PRKG1: variants seen among roughly 807,000 people sequenced by gnomAD.
PRKG1 encodes cGMP-dependent protein kinase 1.
A neutral mutation model predicts 88.1 loss-of-function variants in PRKG1; 35 were observed. That is an observed-to-expected ratio of 0.40 (90% CI 0.30 to 0.53). PRKG1 has a LOEUF of 0.53. Ranked by LOEUF, PRKG1 falls within the 20% of genes least tolerant of loss-of-function variation. PRKG1 has a pLI of 0.59. For missense variants in PRKG1, 540 were observed against 839.8 expected (o/e 0.64, Z 4.41); for synonymous variants, 303 against 292.5 (o/e 1.04, Z -0.37).
In PRKG1 at chr10:51,467,734, G is replaced by A; in HGVS notation, c.490G>A (p.Glu164Lys). The A allele has an allele frequency of 6.2e-7, 1 of 1,611,390 alleles. No homozygotes were observed. The highest frequency in any genetic ancestry group is 8.5e-7 in the Non-Finnish European group (1 of 1,177,860). ...LVYVMEDGKV[E>K]VTKEGVKLCT... ...CTCCTCCTTTTTAGATGGTAAGGTT[G>A]AAGTTACAAAAGAAGGTGTGAAGTT... Residue 164 changes from glutamate to lysine, a missense_variant, in exon 3 of 18, where the codon GAA becomes AAA. Transcript: ENST00000373980.
chr10:51,361,052 G>A lies in PRKG1; in HGVS notation c.479-106671G>A, dbSNP rs143167579. Among the ~76,000 whole-genome samples, 502 of 151,890 alleles carry A rather than the reference G, an allele frequency of 3.3e-3. 5 individuals carry two copies. Among genetic ancestry groups the A allele is most frequent in the African/African-American group, 0.012 (493 of 41,482 alleles). On this transcript the variant is annotated intron_variant, in intron 2 of 17. Transcript: ENST00000373980. Reference sequence around the variant, plus strand: ...TTAAGGGCACTTATCAGTATTCTCAGCTCCAGTAAAAAGGAATAGTCTTTT... The same window carrying A: ...TTAAGGGCACTTATCAGTATTCTCAACTCCAGTAAAAAGGAATAGTCTTTT...
chr10:51,448,976 A>G (rs758040637), intron 2 of PRKG1, among the ~76,000 whole-genome samples: 58 of 152,176 alleles, frequency 3.8e-4, no homozygotes, highest in Non-Finnish European at 5.6e-4. Context: ...AAAACATGCT[A>G]TGTGTCCAAA....
At chr10:51,672,324 T>C (rs1272541687) in intron 3 of PRKG1, among the ~76,000 whole-genome samples, 1 of 152,082 alleles carries the variant, frequency 6.6e-6, no homozygotes, top group Non-Finnish European at 1.5e-5. Context: ...TTCTGGATAA[T>C]TTCTTCACTC....
At chr10:51,600,964 G>A (rs1169420144) in intron 3 of PRKG1, among the ~76,000 whole-genome samples, 2 of 143,098 alleles carry the variant, frequency 1.4e-5, no homozygotes, top group Non-Finnish European at 3.0e-5. Flanking sequence ...GAAGAAGGAG[G>A]AAGAAGGAGA....
At chr10:51,013,255 T>A (rs1458230401) in intron 1 of PRKG1, among the ~76,000 whole-genome samples, 1 of 152,190 alleles carries the variant, frequency 6.6e-6, no homozygotes, top group African/African-American at 2.4e-5. Context: ...ATAGGGAAAG[T>A]GCTTAGAACA....
chr10:52,005,251 C>CTTTTT (rs10595402), intron 5 of PRKG1, among the ~76,000 whole-genome samples: 21 of 117,742 alleles, frequency 1.8e-4, no homozygotes, highest in Admixed American at 3.7e-4. Flanking sequence ...TAATGCCCAT[C>CTTTTT]TTTTTTTTTT....
intron 2 of PRKG1, among the ~76,000 whole-genome samples, chr10:51,391,481 T>C (rs545904977): frequency 1.3e-5 from 2 of 152,350 alleles, no homozygotes; most frequent in Admixed American, 1.3e-4. Context: ...GAGGAAGATT[T>C]ATGGTTCTAT....
At chr10:51,316,482 G>C (rs1282187637) in intron 2 of PRKG1, among the ~76,000 whole-genome samples, 2 of 152,086 alleles carry the variant, frequency 1.3e-5, no homozygotes, top group South Asian at 4.1e-4. Context: ...AGGAGTTCAA[G>C]ACCAGCCTGG....
intron 2 of PRKG1, among the ~76,000 whole-genome samples, chr10:51,394,682 G>T (rs1198360445): frequency 1.3e-5 from 2 of 152,112 alleles, no homozygotes; most frequent in Non-Finnish European, 2.9e-5. Flanking sequence ...ATTCAGTAAG[G>T]ATTTATTTCT....
At chr10:52,072,614 C>A (rs747867429) in intron 7 of PRKG1, among the ~76,000 whole-genome samples, 2 of 152,142 alleles carry the variant, frequency 1.3e-5, no homozygotes, top group Non-Finnish European at 2.9e-5. Flanking sequence ...TATTCTTTTT[C>A]AAGTGAATAT....
chr10:51,939,577 G>A (rs1842862196), intron 5 of PRKG1, among the ~76,000 whole-genome samples: 1 of 147,756 alleles, frequency 6.8e-6, no homozygotes, highest in Non-Finnish European at 1.5e-5. Flanking sequence ...CTTTCTTGAT[G>A]AGTTTATAAA....
intron 17 of PRKG1, among the ~76,000 whole-genome samples, chr10:52,292,035 GT>G (rs1483417975): frequency 6.6e-6 from 1 of 152,108 alleles, no homozygotes. Context: ...TTTTTCATGT[GT>G]TTTTTGGCTG....
intron 2 of PRKG1, among the ~76,000 whole-genome samples, chr10:51,161,181 T>A (rs1260434821): frequency 6.6e-6 from 1 of 152,146 alleles, no homozygotes; most frequent in Non-Finnish European, 1.5e-5. Context: ...TCACAAGTCA[T>A]TTAGTGACAG....
rs569147300 is a variant in PRKG1, at chr10:52,163,016, T to C, written c.1076+1053T>C. On this transcript the variant is annotated intron_variant, in intron 9 of 17. Coordinates refer to ENST00000373980, the MANE Select transcript of PRKG1 (RefSeq NM_006258.4). ...TCTGGTTTATTTCAACAGGCTAAAATGTACATTGATATTCAGTTTAGACTT... is the reference window on the plus strand; with the variant it reads ...TCTGGTTTATTTCAACAGGCTAAAACGTACATTGATATTCAGTTTAGACTT... Among the ~76,000 whole-genome samples, 4 of 152,224 alleles carry C rather than the reference T, an allele frequency of 2.6e-5. No homozygotes were observed. In the South Asian group the frequency reaches 8.3e-4, roughly 32 times the overall value.
chr10:51,136,608 A>G (rs575187505), intron 1 of PRKG1, among the ~76,000 whole-genome samples: 16 of 149,654 alleles, frequency 1.1e-4, no homozygotes, highest in South Asian at 2.2e-4. Flanking sequence ...GGGGAGAGAG[A>G]GAGAAGAGGA....
At chr10:51,710,044 C>G (rs928421882) in intron 3 of PRKG1, among the ~76,000 whole-genome samples, 2 of 152,144 alleles carry the variant, frequency 1.3e-5, no homozygotes, top group African/African-American at 4.8e-5. Flanking sequence ...AAGGTAGGCA[C>G]ACAGTTGAAC....
chr10:51,498,864 C>T (rs1840940463), intron 3 of PRKG1, among the ~76,000 whole-genome samples: 1 of 149,846 alleles, frequency 6.7e-6, no homozygotes, highest in Non-Finnish European at 1.5e-5. Flanking sequence ...TTTTTCCTAA[C>T]CTTCTTTAGC....
At chr10:51,547,412 G>A (rs949055718) in intron 3 of PRKG1, among the ~76,000 whole-genome samples, 8 of 151,996 alleles carry the variant, frequency 5.3e-5, no homozygotes, top group African/African-American at 9.7e-5. Flanking sequence ...GTGGTTGAAC[G>A]TCAGCAAATT....
chr10:51,704,137 G>A (rs1841542379), intron 3 of PRKG1, among the ~76,000 whole-genome samples: 1 of 121,006 alleles, frequency 8.3e-6, no homozygotes, highest in Non-Finnish European at 1.7e-5. Flanking sequence ...GAGTGAAACT[G>A]TCTCAAAAAA....
Sources: gnomAD v4.1 joint callset for allele counts (sites outside exome capture counted in the v4.1 genomes callset) on GRCh38, gnomAD v4.1.1 for gene constraint, MANE v1.5 for transcripts, NCBI Gene and HGNC (gene_info 2026-07-23, HGNC 2026-07-21) for gene names.